LRWD1: variants seen among roughly 807,000 people sequenced by gnomAD.
The protein encoded by LRWD1 is leucine-rich repeat and WD repeat-containing protein 1.
In LRWD1, 76 loss-of-function variants were observed where a neutral mutation model predicts 75.6. The observed-to-expected ratio is 1.01, with a 90% CI of 0.84 to 1.22. LRWD1 has a LOEUF of 1.22. LRWD1 is among the 50% of genes most tolerant of loss of function. The pLI is 0.00. For missense variants in LRWD1, 917 were observed against 862.0 expected, an observed-to-expected ratio of 1.06 and a Z score of -0.80; for synonymous variants, 487 against 377.0, an observed-to-expected ratio of 1.29 and a Z score of -3.38.
At position 102,469,644 on chromosome 7, in the gene LRWD1, C is replaced by T; in HGVS notation, c.1299C>T (p.Ala433=). The change falls in exon 10 of 15, where the codon GCC becomes GCT. Residue 433 remains alanine (A), a splice_region_variant and synonymous_variant. Coordinates refer to ENST00000292616, the MANE Select transcript of LRWD1 (RefSeq NM_152892.3). The part of the protein sequence containing the change: ...GVPNQDYEFQ[A]SQLLTLDTTS... ...CCAACCAGGACTACGAATTCCAGGC[C>T]AGGTGATGCTTCGGGTGAGGCTGGG... The T allele has an allele frequency of 1.3e-5, 21 of 1,614,186 alleles. No homozygotes were observed. The highest frequency in any genetic ancestry group is 1.6e-5 in the Non-Finnish European group (19 of 1,180,010).
At position 102,472,816 on chromosome 7, in the gene LRWD1, C is replaced by G. The variant is rs895903435; in HGVS notation, c.1803+12C>G. ...AGGCCCCCACACAGGTACTGCCCGG[C>G]TCACCCTGCCCAGGCTTGGGCTGGC... On this transcript the variant is annotated intron_variant, in intron 14 of 14. Coordinates refer to ENST00000292616, the MANE Select transcript of LRWD1 (RefSeq NM_152892.3). 3 of 1,613,118 alleles carry G rather than the reference C, an allele frequency of 1.9e-6. No individual in the cohort carries two copies. Among genetic ancestry groups the G allele is most frequent in the Non-Finnish European group, 2.5e-6 (3 of 1,179,758 alleles).
chr7:102,466,894 C>T (rs951454403), intron 3 of LRWD1, among the ~76,000 whole-genome samples: 2 of 149,798 alleles, frequency 1.3e-5, no homozygotes, highest in East Asian at 4.0e-4. Context: ...GATCTTCCCG[C>T]CTTAGCCTTC....
chr7:102,467,796 A>T lies in LRWD1; in HGVS notation c.651A>T (p.Pro217=). The change falls in exon 5 of 15, where the codon CCA becomes CCT. Residue 217 remains proline (P), a synonymous_variant. Coordinates refer to ENST00000292616, the MANE Select transcript of LRWD1 (RefSeq NM_152892.3). ...VQKANSPEKP[P]EAGAAHKPRA... is the part of the protein sequence containing the mutation. ...AGGCTAACAGCCCAGAGAAGCCCCC[A>T]GAAGCTGGAGCTGCCCACAAGCCCA... 1 of 1,550,902 alleles carries T rather than the reference A, an allele frequency of 6.4e-7. No individual in the cohort carries two copies. Among genetic ancestry groups the T allele is most frequent in the Non-Finnish European group, 8.7e-7 (1 of 1,147,168 alleles).
At position 102,468,885 on chromosome 7, in the gene LRWD1, A is replaced by T; in HGVS notation, c.1051A>T (p.Met351Leu). ...CTTTTCTGTGGCCTGGACCGCTCTG[A>T]TGGTGGTCACACAGGCTGGCCACAA... ...EFFSVAWTAL[M>L]VVTQAGHKKR... Residue 351 changes from methionine (M) to leucine (L), a missense_variant, in exon 9 of 15, where the codon ATG becomes TTG. Physicochemically the swap from Met to Leu is conservative, Grantham distance 15 (BLOSUM62 2). Transcript: ENST00000292616. 1 of 1,612,528 alleles carries T rather than the reference A, an allele frequency of 6.2e-7. No homozygotes were observed. The highest frequency in any genetic ancestry group is 1.1e-5 in the South Asian group (1 of 91,054).
chr7:102,469,816 T>C lies in LRWD1; in HGVS notation c.1376T>C (p.Leu459Pro), dbSNP rs372834127. 6.2e-7 allele frequency: 1 copy of C among 1,607,186 alleles called. No homozygotes were observed. Among genetic ancestry groups the C allele is most frequent in the African/African-American group, 1.3e-5 (1 of 74,818 alleles). ...CPVASCPDARLLAGCEGGCCC... is the reference protein window; with the variant it reads ...CPVASCPDARPLAGCEGGCCC... ...GTCGCCTCCTGCCCGGACGCCCGCC[T>C]GCTGGCCGGCTGCGAGGGCGGCTGC... The change falls in exon 11 of 15, where the codon CTG (leucine) becomes CCG (proline). Residue 459 changes from leucine to proline, a missense_variant. Physicochemically the swap from Leu to Pro is moderately conservative, Grantham distance 98. Coordinates refer to ENST00000292616, the MANE Select transcript of LRWD1 (RefSeq NM_152892.3).
At chr7:102,468,692 C>T in intron 8 of LRWD1, 38 bp downstream of exon 8, 1 of 1,548,860 alleles carries the variant, frequency 6.5e-7, no homozygotes, top group Non-Finnish European at 8.7e-7. Flanking sequence ...GCAAGGGTGC[C>T]CGACTGACTC....
At chr7:102,472,141 C>T (rs1012032820) in intron 11 of LRWD1, 77 bp from the exon 12 acceptor site, 51 of 1,315,552 alleles carry the variant, frequency 3.9e-5, no homozygotes, top group Middle Eastern at 2.1e-4. Context: ...CCAGCAGGTG[C>T]GCTGCAGATG....
rs1215075507 is a variant in LRWD1 at position 102,472,706 on chromosome 7, C to T, written c.1705C>T (p.Leu569Phe). 3 of 1,613,536 alleles carry T rather than the reference C, an allele frequency of 1.9e-6. No individual in the cohort carries two copies. The highest frequency in any genetic ancestry group is 2.5e-6 in the Non-Finnish European group (3 of 1,179,952). The change falls in exon 14 of 15, where the codon CTC becomes TTC. Residue 569 changes from leucine to phenylalanine, a missense_variant. Physicochemically the swap from Leu to Phe is conservative, Grantham distance 22 (BLOSUM62 0). Transcript: ENST00000292616. ...LSACPDKGIV[L>F]CGDEEGNVWL... ...TGTCCCGGCAGATAAGGGGATTGTG[C>T]TCTGTGGGGATGAGGAGGGCAACGT...
chr7:102,466,401 G>A, intron 3 of LRWD1, 131 bp downstream of exon 3: 1 of 662,934 alleles, frequency 1.5e-6, no homozygotes, highest in Non-Finnish European at 2.6e-6. Context: ...CCCCTAGCCT[G>A]ATGTGCTACT....
chr7:102,469,117 C>T, intron 9 of LRWD1, 55 bp downstream of exon 9: 1 of 1,458,102 alleles, frequency 6.9e-7, no homozygotes, highest in Admixed American at 2.2e-5. Flanking sequence ...CCTGCTGCCC[C>T]AGTAGCCTCC....
rs113220559 is a variant in LRWD1 at position 102,472,258 on chromosome 7, G to T, written c.1483G>T (p.Ala495Ser). ...ATTCGTCTTCTCTGAGGGCTCCGAG[G>T]CATCTGGACGGAGAGTGGATGGGCT... ...VEFVFSEGSE[A>S]SGRRVDGLAF... Residue 495 changes from alanine to serine, a missense_variant, in exon 12 of 15, where the codon GCA becomes TCA. Ala to Ser is a moderately conservative substitution (Grantham distance 99). Transcript: ENST00000292616. The T allele has an allele frequency of 2.0e-3, 3,232 of 1,596,358 alleles. 63 individuals carry two copies. The African/African-American group carries it at 0.038, about 19-fold the overall frequency.
intron 13 of LRWD1, 25 bp downstream of exon 13, chr7:102,472,634 C>T (rs1251103433): frequency 3.1e-6 from 5 of 1,609,922 alleles, no homozygotes; most frequent in Non-Finnish European, 4.2e-6. Context: ...CTGCCCGCCC[C>T]ATCCCGCGGG....
At chr7:102,471,851 C>T (rs921195797) in intron 11 of LRWD1, 4 of 254,732 alleles carry the variant, frequency 1.6e-5, no homozygotes, top group Admixed American at 4.9e-5. Context: ...CAACAGCCCC[C>T]TGGGCCATGG....
chr7:102,467,753 G>A lies in LRWD1; in HGVS notation c.608G>A (p.Ser203Asn), dbSNP rs1048034404. ...ATCTCTGAGGAGCTGGTGGCCGCCA[G>A]TAGGACCCAGGTGCAAAAGGCTAAC... ...RMISEELVAA[S>N]RTQVQKANSP... Residue 203 changes from serine to asparagine, a missense_variant, in exon 5 of 15, where the codon AGT becomes AAT. Physicochemically the swap from Ser to Asn is conservative, Grantham distance 46. Coordinates refer to ENST00000292616, the MANE Select transcript of LRWD1 (RefSeq NM_152892.3). 2.6e-6 allele frequency: 4 copies of A among 1,551,970 alleles called. No individual in the cohort carries two copies. The highest frequency in any genetic ancestry group is 3.5e-6 in the Non-Finnish European group (4 of 1,147,258).
At chr7:102,469,970 C>G in intron 11 of LRWD1, 88 bp downstream of exon 11, 1 of 1,405,218 alleles carries the variant, frequency 7.1e-7, no homozygotes, top group Non-Finnish European at 9.3e-7. Flanking sequence ...CCTGGGCACA[C>G]CCGGGTAACC....
At chr7:102,472,009 T>C (rs1586744388) in intron 11 of LRWD1, 2 of 564,306 alleles carry the variant, frequency 3.5e-6, no homozygotes, top group South Asian at 3.9e-5. Flanking sequence ...TCTGGGTCAC[T>C]ACTGTGACTC....
chr7:102,472,069 G>A (rs553793742), intron 11 of LRWD1, 149 bp from the exon 12 acceptor site: 1 of 736,388 alleles, frequency 1.4e-6, no homozygotes, highest in Non-Finnish European at 2.3e-6. Flanking sequence ...GAACCTTCCT[G>A]GGGCCAAGAA....
chr7:102,467,987 G>T, intron 5 of LRWD1, 75 bp from the exon 6 acceptor site: 1 of 1,565,078 alleles, frequency 6.4e-7, no homozygotes, highest in Non-Finnish European at 8.6e-7. Context: ...CCGCAGTGAG[G>T]TGGGGTCCAG....
intron 11 of LRWD1, 190 bp downstream of exon 11, chr7:102,470,072 C>T (rs771814641): frequency 4.6e-5 from 33 of 716,312 alleles, no homozygotes; most frequent in Non-Finnish European, 6.7e-5. Flanking sequence ...CCTGCTCTCA[C>T]CCTGGGTTCA....
Sources: allele counts gnomAD v4.1 joint callset (sites outside exome capture counted in the v4.1 genomes callset), GRCh38; gene constraint gnomAD v4.1.1; transcripts MANE v1.5; gene names NCBI Gene and HGNC (gene_info 2026-07-23, HGNC 2026-07-21).